SETBP1: variants seen among roughly 807,000 people sequenced by gnomAD.
SETBP1 encodes the protein SET binding protein 1.
In SETBP1, 9 loss-of-function variants were observed where a neutral mutation model predicts 101.0. The observed-to-expected ratio is 0.09, with a 90% CI of 0.05 to 0.16. The LOEUF (loss-of-function observed/expected upper bound fraction) is 0.16. SETBP1 is among the 10% of genes least tolerant of loss of function. The pLI, the probability that SETBP1 is intolerant of heterozygous loss-of-function variation, is 1.00. For synonymous variants in SETBP1, 818 were observed against 788.5 expected (o/e 1.04, Z -0.63); for missense variants, 1,858 against 2,033.8 (o/e 0.91, Z 1.66).
intron 2 of SETBP1, among the ~76,000 whole-genome samples, chr18:44,703,062 C>G (rs927878190): frequency 6.6e-6 from 1 of 152,164 alleles, no homozygotes; most frequent in South Asian, 2.1e-4. Context: ...ACCTCCCTTC[C>G]TGTGTGTGGC....
intron 3 of SETBP1, among the ~76,000 whole-genome samples, chr18:44,933,334 C>T (rs1357423018): frequency 6.6e-6 from 1 of 152,216 alleles, no homozygotes; most frequent in African/African-American, 2.4e-5. Flanking sequence ...GAGGGGCACC[C>T]AGCCGTATGA....
At chr18:44,706,122 T>C (rs1481978447) in intron 2 of SETBP1, among the ~76,000 whole-genome samples, 2 of 152,194 alleles carry the variant, frequency 1.3e-5, no homozygotes, top group East Asian at 3.9e-4. Context: ...TGGACAGGTC[T>C]AATTTTGCAG....
At position 44,950,510 on chromosome 18, in the gene SETBP1, C is replaced by T. The variant is rs8091231; in HGVS notation, c.1170C>T (p.Ala390=). The part of the protein sequence containing the change: ...ASPARQNVSS[A]SNPENDSSHV... ...CAGCCAGGCAGAACGTGAGTTCTGCCAGTAATCCTGAAAATGACTCAAGTC... is the reference window on the plus strand; with the variant it reads ...CAGCCAGGCAGAACGTGAGTTCTGCTAGTAATCCTGAAAATGACTCAAGTC... The change falls in exon 4 of 6, where the codon GCC becomes GCT. Residue 390 remains alanine, a synonymous_variant. Transcript: ENST00000649279. 1,291 of 1,614,062 alleles carry T rather than the reference C, an allele frequency of 8.0e-4. 13 individuals are homozygous for T. In the African/African-American group the frequency reaches 0.016, roughly 20 times the overall value.
intron 2 of SETBP1, among the ~76,000 whole-genome samples, chr18:44,785,788 A>T (rs2071227825): frequency 6.6e-6 from 1 of 152,154 alleles, no homozygotes; most frequent in African/African-American, 2.4e-5. Flanking sequence ...ATTTTGTAAA[A>T]ACACTAGCTT....
intron 4 of SETBP1, among the ~76,000 whole-genome samples, chr18:45,020,342 C>CTTTTACTAT (rs922614918): frequency 6.9e-6 from 1 of 144,772 alleles, no homozygotes; most frequent in African/African-American, 2.5e-5. Context: ...TTCTGAGTCA[C>CTTTTACTAT]TTTTACTATG....
In SETBP1 at chr18:45,040,910, G is replaced by A. The variant is rs545000323; in HGVS notation, c.4171+2255G>A. Among the ~76,000 whole-genome samples, 14 of 152,250 alleles carry A rather than the reference G, an allele frequency of 9.2e-5. No homozygotes were observed. In the South Asian group the frequency reaches 2.7e-3, roughly 29 times the overall value. ...CTCTGGCTGTTGAGCTGGACTTTTG[G>A]GGGGAAATAGGCCAGATATCTACCC... is the stretch of plus-strand genomic sequence containing the variant. On this transcript the variant is annotated intron_variant, in intron 5 of 5. Transcript: ENST00000649279.
At chr18:44,912,505 G>GT (rs1031917518) in intron 3 of SETBP1, among the ~76,000 whole-genome samples, 16 of 151,664 alleles carry the variant, frequency 1.1e-4, no homozygotes, top group South Asian at 2.1e-4. Context: ...GTTTGTTTTT[G>GT]TTTTTTTTGA....
chr18:44,702,308 A>G (rs1022883318), intron 2 of SETBP1, among the ~76,000 whole-genome samples: 4 of 152,210 alleles, frequency 2.6e-5, no homozygotes, highest in African/African-American at 4.8e-5. Context: ...AAATCTTCAT[A>G]TAAGTGGACT....
rs587784380 is a variant in SETBP1, at chr18:44,950,563, C to G, written c.1223C>G (p.Ala408Gly). 5.8e-5 allele frequency: 93 copies of G among 1,613,936 alleles called. No homozygotes were observed. Among genetic ancestry groups the G allele is most frequent in the Non-Finnish European group, 7.5e-5 (88 of 1,180,032 alleles). The change falls in exon 4 of 6, where the codon GCA becomes GGA. Residue 408 changes from alanine (A) to glycine (G), a missense_variant. Physicochemically the swap from Ala to Gly is moderately conservative, Grantham distance 60. Around this residue, in one of 12 missense-constraint regions of SETBP1, gnomAD observed 581 missense variants for 535.1 expected, o/e 1.09. Coordinates refer to ENST00000649279, the MANE Select transcript of SETBP1 (RefSeq NM_015559.3). ...GTCCGGATTACTATCCCCATCAAGGCACCCTCTCTGGATCCAACCAACCAT... is the reference window on the plus strand; with the variant it reads ...GTCCGGATTACTATCCCCATCAAGGGACCCTCTCTGGATCCAACCAACCAT... ...SHVRITIPIK[A>G]PSLDPTNHKR... is the part of the protein sequence containing the mutation.
At chr18:44,796,833 GCATACACACA>G (rs1312877484) in intron 2 of SETBP1, among the ~76,000 whole-genome samples, 1 of 152,068 alleles carries the variant, frequency 6.6e-6, no homozygotes, top group Non-Finnish European at 1.5e-5. Flanking sequence ...GCACACACAT[GCATACACACA>G]CATACACACA....
At chr18:45,015,437 T>C (rs2072921321) in intron 4 of SETBP1, among the ~76,000 whole-genome samples, 1 of 152,148 alleles carries the variant, frequency 6.6e-6, no homozygotes, top group Admixed American at 6.5e-5. Context: ...CTAACTACAG[T>C]GAATAGGTAT....
At chr18:44,923,879 G>C (rs2070637085) in intron 3 of SETBP1, among the ~76,000 whole-genome samples, 1 of 152,170 alleles carries the variant, frequency 6.6e-6, no homozygotes, top group Non-Finnish European at 1.5e-5. Flanking sequence ...GTGCAGTCTA[G>C]AAGACACAAG....
intron 4 of SETBP1, among the ~76,000 whole-genome samples, chr18:45,020,395 G>A (rs982854553): frequency 1.3e-5 from 2 of 151,290 alleles, no homozygotes; most frequent in Middle Eastern, 3.2e-3. Flanking sequence ...GACAAGCCTG[G>A]ACCTAACTGG....
chr18:44,896,357 G>A (rs1286274516), intron 3 of SETBP1, among the ~76,000 whole-genome samples: 5 of 152,046 alleles, frequency 3.3e-5, no homozygotes, highest in South Asian at 4.1e-4. Flanking sequence ...TATATTTTGC[G>A]GAAATCTATT....
At chr18:44,940,587 T>C (rs910802894) in intron 3 of SETBP1, among the ~76,000 whole-genome samples, 4 of 152,200 alleles carry the variant, frequency 2.6e-5, no homozygotes, top group Non-Finnish European at 1.5e-5. Context: ...TATTACAGTC[T>C]ACTTTGAACT....
intron 4 of SETBP1, among the ~76,000 whole-genome samples, chr18:44,963,390 C>T (rs1369984031): frequency 6.6e-6 from 1 of 152,164 alleles, no homozygotes; most frequent in Non-Finnish European, 1.5e-5. Context: ...TGCGCAAAGC[C>T]TTTAGCTCAC....
chr18:44,868,481 T>C (rs1171868320), intron 2 of SETBP1, among the ~76,000 whole-genome samples: 1 of 151,942 alleles, frequency 6.6e-6, no homozygotes, highest in African/African-American at 2.4e-5. Context: ...TATCACCTGA[T>C]GTCAGGAGTT....
At chr18:44,919,037 A>G (rs1420301034) in intron 3 of SETBP1, among the ~76,000 whole-genome samples, 1 of 152,316 alleles carries the variant, frequency 6.6e-6, no homozygotes, top group Non-Finnish European at 1.5e-5. Flanking sequence ...TTTCACACTC[A>G]TGTGGTTAAG....
At chr18:44,735,529 G>A (rs1285991686) in intron 2 of SETBP1, among the ~76,000 whole-genome samples, 2 of 152,148 alleles carry the variant, frequency 1.3e-5, no homozygotes, top group Non-Finnish European at 2.9e-5. Context: ...AGACATGATA[G>A]TAACAAACAC....
Sources: gnomAD v4.1 joint callset for allele counts (sites outside exome capture counted in the v4.1 genomes callset) on GRCh38, gnomAD v4.1.1 for gene constraint, gnomAD v4.1.1 regional missense constraint, MANE v1.5 for transcripts, NCBI Gene and HGNC (gene_info 2026-07-23, HGNC 2026-07-21) for gene names.